The following BOC variants were observed in gnomAD, a reference collection of about 807,000 sequenced individuals.
The protein encoded by BOC is brother of CDO.
In BOC, 76 loss-of-function variants were observed where a neutral mutation model predicts 112.0. That is an observed-to-expected ratio of 0.68 (90% CI 0.56 to 0.82). BOC has a LOEUF of 0.82. Among genes scored for constraint, BOC ranks in the 40% least tolerant of loss-of-function variants. BOC has a pLI of 0.00. For missense variants in BOC, 1,309 were observed against 1,511.7 expected (o/e 0.87, Z 2.22); for synonymous variants, 580 against 599.8 (o/e 0.97, Z 0.48).
intron 2 of BOC, among the ~76,000 whole-genome samples, chr3:113,232,027 G>A (rs921652772): frequency 2.6e-5 from 4 of 152,118 alleles, no homozygotes; most frequent in African/African-American, 9.7e-5. Context: ...GTGTGTACCT[G>A]GGAATGGCAG....
chr3:113,246,470 C>A (rs981092974), intron 2 of BOC, among the ~76,000 whole-genome samples: 1 of 152,134 alleles, frequency 6.6e-6, no homozygotes, highest in Non-Finnish European at 1.5e-5. Flanking sequence ...TTAAGCGTTA[C>A]TTGCCTTTTT....
At chr3:113,255,323 C>T (rs929874996) in intron 4 of BOC, among the ~76,000 whole-genome samples, 8 of 152,174 alleles carry the variant, frequency 5.3e-5, no homozygotes, top group African/African-American at 1.7e-4. Flanking sequence ...GAGCACTCCA[C>T]TCCTTCTTAC....
rs760070226 is a variant in BOC, at chr3:113,273,073, C to T, written c.966C>T (p.Pro322=). 1 of 1,598,970 alleles carries T rather than the reference C, an allele frequency of 6.3e-7. No individual in the cohort carries two copies. The highest frequency in any genetic ancestry group is 8.6e-7 in the Non-Finnish European group (1 of 1,167,846). Residue 322 remains proline (P), a synonymous_variant, in exon 8 of 20, where the codon CCC becomes CCT. Coordinates refer to ENST00000682979, the MANE Select transcript of BOC (RefSeq NM_001378074.1). The stretch of plus-strand genomic sequence containing the variant: ...CCTGCTCTGGTTTCCTGGCAGAACC[C>T]CCTGAGGTCACCATGGAGCTATCCC... ...VILYNVQVFE[P]PEVTMELSQL... is the part of the protein sequence containing the mutation.
intron 2 of BOC, among the ~76,000 whole-genome samples, chr3:113,224,509 G>T (rs145214066): frequency 1.5e-3 from 216 of 142,428 alleles, no homozygotes; most frequent in African/African-American, 5.5e-3. Context: ...TCTCTTCCAA[G>T]CCCACTCCAA....
chr3:113,217,884 G>A (rs1390982372), intron 2 of BOC, among the ~76,000 whole-genome samples: 1 of 152,158 alleles, frequency 6.6e-6, no homozygotes, highest in Non-Finnish European at 1.5e-5. Flanking sequence ...GGGAGAAAAG[G>A]AGAAGTGTGT....
rs747888768 is a variant in BOC, at chr3:113,273,005, C to T, written c.962-64C>T. ...GAGCTGCTCCTAACTACATCCCTCC[C>T]AGCCCATCTGGCCCTGGGACAGAAA... On this transcript the variant is annotated intron_variant, in intron 7 of 19. Transcript: ENST00000682979. The T allele has an allele frequency of 4.5e-6, 7 of 1,544,318 alleles. No individual in the cohort carries two copies. In the Admixed American group the frequency reaches 1.1e-4, roughly 24 times the overall value.
chr3:113,275,956 G>C (rs1251447159), intron 9 of BOC, among the ~76,000 whole-genome samples: 3 of 152,232 alleles, frequency 2.0e-5, no homozygotes, highest in Admixed American at 2.0e-4. Context: ...AGAGGCAGGG[G>C]GACGGGGCGA....
chr3:113,283,883 T>A (rs1332883927), intron 16 of BOC, among the ~76,000 whole-genome samples: 1 of 151,886 alleles, frequency 6.6e-6, no homozygotes, highest in Admixed American at 6.6e-5. Flanking sequence ...TGTGCCATCT[T>A]CTGAAGTGTC....
At chr3:113,282,696 G>T (rs751577153) in intron 15 of BOC, among the ~76,000 whole-genome samples, 1 of 152,032 alleles carries the variant, frequency 6.6e-6, no homozygotes, top group African/African-American at 2.4e-5. Flanking sequence ...GAGTACAGAC[G>T]GGAGGAACCA....
intron 4 of BOC, among the ~76,000 whole-genome samples, chr3:113,258,914 G>C (rs893994374): frequency 6.6e-6 from 1 of 152,220 alleles, no homozygotes; most frequent in Non-Finnish European, 1.5e-5. Context: ...AATAGGAAAT[G>C]AATAAGGAAT....
At chr3:113,217,335 G>A (rs1464723231) in intron 2 of BOC, among the ~76,000 whole-genome samples, 2 of 152,192 alleles carry the variant, frequency 1.3e-5, no homozygotes, top group African/African-American at 2.4e-5. Context: ...GGGCAACATG[G>A]CAAAACTCTG....
chr3:113,258,856 T>C (rs1041440641), intron 4 of BOC, among the ~76,000 whole-genome samples: 2 of 142,912 alleles, frequency 1.4e-5, no homozygotes, highest in African/African-American at 5.4e-5. Context: ...AGAAAATTAT[T>C]GAAAGATGGC....
chr3:113,236,939 C>A (rs1943648659), intron 2 of BOC, among the ~76,000 whole-genome samples: 1 of 152,172 alleles, frequency 6.6e-6, no homozygotes, highest in Non-Finnish European at 1.5e-5. Flanking sequence ...TATTACCATT[C>A]TTATTTTCAC....
At chr3:113,263,019 G>C (rs557488660) in intron 4 of BOC, among the ~76,000 whole-genome samples, 104 of 152,362 alleles carry the variant, frequency 6.8e-4, no homozygotes, top group African/African-American at 2.5e-3. Context: ...GGACTGAGGT[G>C]CAGGGAAGGA....
intron 4 of BOC, among the ~76,000 whole-genome samples, chr3:113,254,262 C>T (rs901803278): frequency 1.3e-5 from 2 of 152,140 alleles, no homozygotes; most frequent in Non-Finnish European, 2.9e-5. Flanking sequence ...AGACATGAAT[C>T]AGAAGGCAAA....
intron 15 of BOC, 30 bp from the exon 16 acceptor site, chr3:113,283,381 T>A (rs747708538): frequency 2.6e-6 from 4 of 1,554,804 alleles, no homozygotes; most frequent in South Asian, 1.2e-5. Flanking sequence ...AAGAAACATA[T>A]GCTGAAGTGA....
At chr3:113,279,107 C>A in intron 11 of BOC, 142 bp from the exon 12 acceptor site, 1 of 847,532 alleles carries the variant, frequency 1.2e-6, no homozygotes, top group Non-Finnish European at 1.8e-6. Flanking sequence ...GATGTGAACA[C>A]CAGTGGGTGG....
intron 4 of BOC, among the ~76,000 whole-genome samples, chr3:113,265,133 C>T (rs536557801): frequency 7.9e-5 from 12 of 152,338 alleles, no homozygotes; most frequent in Admixed American, 7.2e-4. Context: ...TTTTCTACCA[C>T]TGGGTTGCTG....
upstream of BOC, chr3:113,211,478 CCCT>C (rs55869342): frequency 0.9 from 136,417 of 151,474 alleles, 61,629 homozygotes; most frequent in East Asian, 0.96. Flanking sequence ...CTCCTCCACT[CCCT>C]CCTCCTCCTC....
Sources: gnomAD v4.1 joint callset for allele counts (sites outside exome capture counted in the v4.1 genomes callset) on GRCh38, gnomAD v4.1.1 for gene constraint, MANE v1.5 for transcripts, NCBI Gene and HGNC (gene_info 2026-07-23, HGNC 2026-07-21) for gene names.